NUP54: variants seen among roughly 807,000 people sequenced by gnomAD.
The protein encoded by NUP54 is nucleoporin p54.
NUP54 carries 27 observed loss-of-function variants against 66.4 expected under a neutral mutation model. The ratio of observed to expected loss-of-function variants is 0.41; its 90% CI spans 0.30 to 0.56. The LOEUF is 0.56. Ranked by LOEUF, NUP54 falls within the 20% of genes least tolerant of loss-of-function variation. NUP54 has a pLI of 0.34. For missense variants in NUP54, 486 were observed against 596.3 expected, an observed-to-expected ratio of 0.82 and a Z score of 1.93; for synonymous variants, 206 against 210.7, an observed-to-expected ratio of 0.98 and a Z score of 0.19.
chr4:76,130,134 C>A (rs1303921172), intron 8 of NUP54, among the ~76,000 whole-genome samples: 1 of 151,392 alleles, frequency 6.6e-6, no homozygotes, highest in African/African-American at 2.4e-5. Flanking sequence ...GCGTGCACCA[C>A]GACACCCAGC....
chr4:76,118,258 A>C, intron 9 of NUP54, 64 bp from the exon 10 acceptor site: 2 of 1,403,374 alleles, frequency 1.4e-6, no homozygotes, highest in Non-Finnish European at 2.0e-6. Context: ...AAGTAGTAGT[A>C]GTACAATTAG....
At chr4:76,145,683 T>C (rs1017196724) in intron 1 of NUP54, 46 of 586,224 alleles carry the variant, frequency 7.8e-5, no homozygotes, top group Non-Finnish European at 1.1e-4. Context: ...CAATGTGGTA[T>C]CAAAAAGCCT....
chr4:76,123,021 C>A (rs1002191159), intron 9 of NUP54, among the ~76,000 whole-genome samples: 2 of 152,128 alleles, frequency 1.3e-5, no homozygotes, highest in African/African-American at 4.8e-5. Context: ...CCCATATAGG[C>A]AAAACTGGTT....
At chr4:76,123,850 G>A (rs917969080) in intron 9 of NUP54, among the ~76,000 whole-genome samples, 4 of 151,960 alleles carry the variant, frequency 2.6e-5, no homozygotes, top group Admixed American at 6.6e-5. Context: ...GTATATCTAC[G>A]GTGATGCCTC....
chr4:76,116,066 C>T (rs932689362), intron 11 of NUP54, among the ~76,000 whole-genome samples: 5 of 152,094 alleles, frequency 3.3e-5, no homozygotes, highest in African/African-American at 9.7e-5. Context: ...AATAACCTGC[C>T]CAAGGTCATA....
At position 76,134,273 on chromosome 4, in the gene NUP54, G is replaced by A; in HGVS notation, c.612C>T (p.Ser204=). 6.2e-7 allele frequency: 1 copy of A among 1,613,598 alleles called. No individual in the cohort carries two copies. The highest frequency in any genetic ancestry group is 8.5e-7 in the Non-Finnish European group (1 of 1,179,740). The part of the protein sequence containing the change: ...VFNKKETEIR[S]QQQQLVESLH... ...ATGATTCTACCAACTGTTGTTGTTGGCTTCGAATCTCTGTTTCTTTTTTGT... is the reference window on the plus strand; with the variant it reads ...ATGATTCTACCAACTGTTGTTGTTGACTTCGAATCTCTGTTTCTTTTTTGT... The change falls in exon 5 of 12, where the codon AGC becomes AGT. Residue 204 remains serine (S), a synonymous_variant. Transcript: ENST00000264883.
chr4:76,117,678 G>A lies in NUP54; in HGVS notation c.1381C>T (p.Arg461Ter), dbSNP rs377634247. 2.5e-6 allele frequency: 4 copies of A among 1,609,124 alleles called. No homozygotes were observed. The highest frequency in any genetic ancestry group is 1.7e-4 in the Middle Eastern group (1 of 6,056). The stretch of plus-strand genomic sequence containing the variant: ...GCAACACTTACCTGCTTGATTTCTC[G>A]TAACAGATCTGCATCTATGTAATAC... The part of the protein sequence containing the change: ...ERYYIDADLL[R>*]EIKQHLKQQQ... Residue 461 changes from arginine to a stop codon, truncating the protein, a stop_gained, in exon 11 of 12, where the codon CGA (arginine) becomes TGA (stop). Transcript: ENST00000264883. LOFTEE classifies it high-confidence loss of function.
At chr4:76,137,374 A>G (rs965510633) in intron 3 of NUP54, among the ~76,000 whole-genome samples, 4 of 152,286 alleles carry the variant, frequency 2.6e-5, no homozygotes, top group Admixed American at 6.5e-5. Flanking sequence ...ACATGAAAGA[A>G]TGGAGGGAGG....
chr4:76,146,287 G>A (rs1179309510), intron 1 of NUP54, among the ~76,000 whole-genome samples: 4 of 152,084 alleles, frequency 2.6e-5, no homozygotes, highest in Non-Finnish European at 4.4e-5. Flanking sequence ...ATACCAACAA[G>A]TTTATTTATT....
rs201395137 is a variant in NUP54, at chr4:76,125,827, GGGGAGAGAGGGAGAGA to G, written c.1057-1087_1057-1072del. Among the ~76,000 whole-genome samples, 2 of 48,656 alleles carry G rather than the reference GGGGAGAGAGGGAGAGA, an allele frequency of 4.1e-5. 1 individual carries two copies. The highest frequency in any genetic ancestry group is 2.0e-4 in the African/African-American group (2 of 9,824). The allele number at this position is 48,656 out of a possible 152,430, so 31.9% of individuals were successfully genotyped here. A position where few individuals can be genotyped will look rare whatever the true frequency, so the allele number is the denominator to read the frequency against. ...AGAGAGAGGGAGAAGAGGGAGAAAG[GGGGAGAGAGGGAGAGA>G]GGGAGAGAGGGGGAGGGGGAGGGAG... On this transcript the variant is annotated intron_variant, in intron 8 of 11. Transcript: ENST00000264883.
Position 76,124,767 on chromosome 4 carries a change from A to C in NUP54, c.1057-11T>G. 1.1e-6 allele frequency: 1 copy of C among 896,388 alleles called. No homozygotes were observed. The allele number at this position is 896,388 out of a possible 1,614,324, so 55.5% of individuals were successfully genotyped here. Reference sequence around the variant, plus strand: ...ATCTTCAGATATGATCTGTTTAAAAAAAAATTGGGGGGGGGAGGGTTAATC... The same window carrying C: ...ATCTTCAGATATGATCTGTTTAAAACAAAATTGGGGGGGGGAGGGTTAATC... On this transcript the variant is annotated splice_polypyrimidine_tract_variant and intron_variant, in intron 8 of 11. Transcript: ENST00000264883.
intron 9 of NUP54, chr4:76,118,396 T>G (rs1041294333): frequency 1.8e-5 from 9 of 509,038 alleles, no homozygotes; most frequent in Non-Finnish European, 2.8e-5. Context: ...GACTTAATTG[T>G]TTTTTTTGAG....
chr4:76,129,992 T>C (rs1730729911), intron 8 of NUP54, among the ~76,000 whole-genome samples: 1 of 73,414 alleles, frequency 1.4e-5, no homozygotes, highest in African/African-American at 4.6e-5. Context: ...TTTTTTTTTT[T>C]TTTTTTTTTG....
rs59383944 is a variant in NUP54, at chr4:76,127,432, C to CAAAA, written c.1057-2680_1057-2677dup. On this transcript the variant is annotated intron_variant, in intron 8 of 11. Transcript: ENST00000264883. Reference sequence around the variant, plus strand: ...GGGCGACAGAACGAGACCCCCATCTCAAAAAAAAAAAAAAAAAAAAAATGG... The same window carrying CAAAA: ...GGGCGACAGAACGAGACCCCCATCTCAAAAAAAAAAAAAAAAAAAAAAAAAATGG... Among the ~76,000 whole-genome samples the CAAAA allele has an allele frequency of 8.8e-3, 482 of 54,654 alleles. 30 individuals carry two copies. Among genetic ancestry groups the CAAAA allele is most frequent in the African/African-American group, 0.023 (335 of 14,376 alleles). 35.9% of individuals were successfully genotyped at this position (54,654 alleles called of 152,430 possible). A position where few individuals can be genotyped will look rare whatever the true frequency, so the allele number is the denominator to read the frequency against.
rs1375976914 is a variant in NUP54, at chr4:76,139,119, G to C, written c.296-2707C>G. Reference sequence around the variant, plus strand: ...AGCAGTCTTGGAGGATGAAGAAAAAGTTCCTTTTACAGAAGAAATTTCAGT... The same window carrying C: ...AGCAGTCTTGGAGGATGAAGAAAAACTTCCTTTTACAGAAGAAATTTCAGT... On this transcript the variant is annotated intron_variant, in intron 3 of 11. Coordinates refer to ENST00000264883, the MANE Select transcript of NUP54 (RefSeq NM_017426.4). 2.0e-5 allele frequency among the ~76,000 whole-genome samples: 3 copies of C among 152,112 alleles called. No homozygotes were observed. The South Asian group carries it at 6.2e-4, about 32-fold the overall frequency.
intron 3 of NUP54, among the ~76,000 whole-genome samples, chr4:76,139,154 A>C (rs1731157178): frequency 6.6e-6 from 1 of 152,202 alleles, no homozygotes; most frequent in Admixed American, 6.5e-5. Flanking sequence ...TGTGATAGGG[A>C]GGAAATTAGA....
At chr4:76,143,867 A>G (rs1731371171) in intron 3 of NUP54, among the ~76,000 whole-genome samples, 1 of 152,110 alleles carries the variant, frequency 6.6e-6, no homozygotes, top group South Asian at 2.1e-4. Context: ...CTTATATATA[A>G]TTCATTAAGC....
chr4:76,132,822 T>A, intron 5 of NUP54, 103 bp from the exon 6 acceptor site: 2 of 858,396 alleles, frequency 2.3e-6, no homozygotes, highest in Non-Finnish European at 3.5e-6. Context: ...TAAGTTGAAT[T>A]CAGAAATGGT....
At chr4:76,146,189 A>T (rs781188687) in intron 1 of NUP54, 2 of 400,476 alleles carry the variant, frequency 5.0e-6, no homozygotes, top group Non-Finnish European at 9.8e-6. Flanking sequence ...GCTGAAGGTT[A>T]ACACATATAA....
Sources: gnomAD v4.1 joint callset for allele counts (sites outside exome capture counted in the v4.1 genomes callset) on GRCh38, gnomAD v4.1.1 for gene constraint, MANE v1.5 for transcripts, NCBI Gene and HGNC (gene_info 2026-07-23, HGNC 2026-07-21) for gene names.